The following CDH12 variants were observed in gnomAD, a reference collection of about 807,000 sequenced individuals.
The protein encoded by CDH12 is cadherin 12.
CDH12 carries 41 observed loss-of-function variants against 74.1 expected under a neutral mutation model. The observed-to-expected ratio is 0.55, with a 90% confidence interval of 0.43 to 0.72. The LOEUF (loss-of-function observed/expected upper bound fraction) is 0.72. CDH12 is among the 30% of genes least tolerant of loss of function. CDH12 has a pLI of 0.00. For synonymous variants in CDH12, 399 were observed against 355.0 expected (o/e 1.12, Z -1.39); for missense variants, 945 against 977.2 (o/e 0.97, Z 0.44).
intron 6 of CDH12, among the ~76,000 whole-genome samples, chr5:21,885,150 G>A (rs565293856): frequency 1.1e-4 from 17 of 152,148 alleles, no homozygotes; most frequent in African/African-American, 3.9e-4. Context: ...GCCTCCCAAA[G>A]TGCTGGGATT....
At chr5:21,926,502 C>T (rs1388692701) in intron 6 of CDH12, among the ~76,000 whole-genome samples, 1 of 152,104 alleles carries the variant, frequency 6.6e-6, no homozygotes, top group Non-Finnish European at 1.5e-5. Flanking sequence ...ATAAAAATAT[C>T]TTTAGGGCAA....
In CDH12 at chr5:22,510,897, T is replaced by A. The variant is rs867335745; in HGVS notation, c.-522-5533A>T. Among the ~76,000 whole-genome samples, 11 of 151,438 alleles carry A rather than the reference T, an allele frequency of 7.3e-5. No individual in the cohort carries two copies. The Middle Eastern group carries it at 0.01, about 140-fold the overall frequency. ...TTAAAAGTCAAGAACATATATAATTTTTTTTTTTTTTTCCGAGACAGAGTT... is the reference window on the plus strand; with the variant it reads ...TTAAAAGTCAAGAACATATATAATTATTTTTTTTTTTTCCGAGACAGAGTT... On this transcript the variant is annotated intron_variant, in intron 1 of 14. Transcript: ENST00000382254.
chr5:22,132,056 T>G (rs1409831735), intron 4 of CDH12, among the ~76,000 whole-genome samples: 1 of 152,094 alleles, frequency 6.6e-6, no homozygotes, highest in Non-Finnish European at 1.5e-5. Context: ...TTTGGGAACT[T>G]CTTTTTTTAT....
At chr5:21,897,769 TA>T (rs1198176166) in intron 6 of CDH12, among the ~76,000 whole-genome samples, 1 of 152,306 alleles carries the variant, frequency 6.6e-6, no homozygotes, top group East Asian at 1.9e-4. Context: ...AAAATGAATT[TA>T]AAAAATACAA....
intron 4 of CDH12, among the ~76,000 whole-genome samples, chr5:22,094,722 G>GC (rs1743641512): frequency 6.6e-6 from 1 of 152,138 alleles, no homozygotes. Context: ...CTGAGCCCAA[G>GC]CTAAGCCATC....
At chr5:22,335,297 C>T (rs906300884) in intron 3 of CDH12, among the ~76,000 whole-genome samples, 2 of 152,082 alleles carry the variant, frequency 1.3e-5, no homozygotes, top group Non-Finnish European at 2.9e-5. Flanking sequence ...CAGGTCTTTC[C>T]CTTGCTGTTC....
intron 2 of CDH12, among the ~76,000 whole-genome samples, chr5:22,492,689 C>T (rs1013659640): frequency 1.3e-5 from 2 of 152,084 alleles, no homozygotes; most frequent in African/African-American, 4.8e-5. Flanking sequence ...ATTCATTCCT[C>T]TATGAATATG....
rs563583022 is a variant in CDH12 at position 22,420,539 on chromosome 5, T to C, written c.-427-15188A>G. On this transcript the variant is annotated intron_variant, in intron 2 of 14. Transcript: ENST00000382254. The stretch of plus-strand genomic sequence containing the variant: ...ACTATTCCATTGGTCTATGTGTCTG[T>C]TTTTGTACCAGCACCATGCTGTTTT... Among the ~76,000 whole-genome samples, 178 of 152,286 alleles carry C rather than the reference T, an allele frequency of 1.2e-3. 2 individuals carry two copies. The highest frequency in any genetic ancestry group is 3.9e-3 in the African/African-American group (164 of 41,560).
intron 13 of CDH12, among the ~76,000 whole-genome samples, chr5:21,759,015 G>A (rs1434620667): frequency 6.6e-6 from 1 of 152,044 alleles, no homozygotes; most frequent in African/African-American, 2.4e-5. Context: ...TGCTTATCAG[G>A]TACTAGGTTC....
intron 2 of CDH12, among the ~76,000 whole-genome samples, chr5:22,446,300 C>T (rs78941455): frequency 0.013 from 1,942 of 152,226 alleles, 47 homozygotes; most frequent in African/African-American, 0.043. Flanking sequence ...CCCCTAACTA[C>T]TTCAACTTCA....
intron 5 of CDH12, among the ~76,000 whole-genome samples, chr5:22,063,553 C>T (rs759525464): frequency 6.6e-6 from 1 of 151,896 alleles, no homozygotes; most frequent in Non-Finnish European, 1.5e-5. Context: ...AATAGTAAAC[C>T]AGTACTTCTT....
intron 4 of CDH12, among the ~76,000 whole-genome samples, chr5:22,126,408 A>G (rs1745873936): frequency 6.6e-6 from 1 of 152,196 alleles, no homozygotes; most frequent in Non-Finnish European, 1.5e-5. Flanking sequence ...TGCCTGCATC[A>G]TACCTTTCTT....
At chr5:21,765,519 C>A in intron 11 of CDH12, among the ~76,000 whole-genome samples, 1 of 148,426 alleles carries the variant, frequency 6.7e-6, no homozygotes, top group African/African-American at 2.5e-5. Flanking sequence ...TAGGAGATTC[C>A]TCCTGAAAAG....
intron 11 of CDH12, among the ~76,000 whole-genome samples, chr5:21,768,567 C>A (rs1352120527): frequency 6.6e-6 from 1 of 151,768 alleles, no homozygotes; most frequent in Admixed American, 6.6e-5. Context: ...CAAATTCCAA[C>A]AAAATGCAAA....
intron 7 of CDH12, among the ~76,000 whole-genome samples, chr5:21,845,104 A>G (rs1750093679): frequency 6.6e-6 from 1 of 152,140 alleles, no homozygotes; most frequent in African/African-American, 2.4e-5. Context: ...TGTATGAATA[A>G]CGGAAAGCTT....
intron 7 of CDH12, among the ~76,000 whole-genome samples, chr5:21,843,755 T>C (rs1405425044): frequency 6.6e-6 from 1 of 152,120 alleles, no homozygotes; most frequent in African/African-American, 2.4e-5. Context: ...CTCAGGCTCC[T>C]GAAGCTTCAT....
chr5:21,821,298 T>C (rs1748357870), intron 8 of CDH12, among the ~76,000 whole-genome samples: 1 of 151,774 alleles, frequency 6.6e-6, no homozygotes, highest in African/African-American at 2.4e-5. Flanking sequence ...CAGATACTGA[T>C]GAAAACACCA....
intron 2 of CDH12, among the ~76,000 whole-genome samples, chr5:22,443,123 T>G (rs934101671): frequency 1.3e-5 from 2 of 152,144 alleles, no homozygotes; most frequent in East Asian, 1.9e-4. Context: ...CTAAGTTAGA[T>G]AATGCATATC....
chr5:21,808,799 T>G (rs1747579866), intron 9 of CDH12, among the ~76,000 whole-genome samples: 1 of 152,060 alleles, frequency 6.6e-6, no homozygotes, highest in Non-Finnish European at 1.5e-5. Context: ...GACAAAAGGT[T>G]GCAACTCAAT....
Sources: gnomAD v4.1 joint callset for allele counts (sites outside exome capture counted in the v4.1 genomes callset) on GRCh38, gnomAD v4.1.1 for gene constraint, MANE v1.5 for transcripts, NCBI Gene and HGNC (gene_info 2026-07-23, HGNC 2026-07-21) for gene names.